Variants in RAB6A observed in about 807,000 individuals in gnomAD.
RAB6A encodes the protein ras-related protein Rab-6A.
In RAB6A, 8 loss-of-function variants were observed where a neutral mutation model predicts 32.3. The observed-to-expected ratio is 0.25, with a 90% confidence interval of 0.15 to 0.45. The LOEUF (loss-of-function observed/expected upper bound fraction) is 0.45. Ranked by LOEUF, RAB6A falls within the 20% of genes least tolerant of loss-of-function variation. The pLI is 1.00. For synonymous variants in RAB6A, 73 were observed against 82.1 expected (o/e 0.89, Z 0.60); for missense variants, 104 against 249.4 (o/e 0.42, Z 3.93).
intron 1 of RAB6A, among the ~76,000 whole-genome samples, chr11:73,736,776 A>T (rs1946399974): frequency 1.4e-5 from 2 of 140,912 alleles, no homozygotes; most frequent in South Asian, 4.9e-4. Context: ...TGTGCAACAC[A>T]GTGAGACTTC....
intron 4 of RAB6A, among the ~76,000 whole-genome samples, chr11:73,716,911 C>A (rs1209742182): frequency 6.6e-6 from 1 of 152,164 alleles, no homozygotes; most frequent in African/African-American, 2.4e-5. Context: ...CAAAATTTAT[C>A]TTTTCTAGTG....
chr11:73,744,825 A>G (rs1296356130), intron 1 of RAB6A, among the ~76,000 whole-genome samples: 1 of 151,700 alleles, frequency 6.6e-6, no homozygotes, highest in Non-Finnish European at 1.5e-5. Context: ...AAATACAAAA[A>G]TTAGCTGGGC....
At chr11:73,748,263 G>A (rs1288529848) in intron 1 of RAB6A, among the ~76,000 whole-genome samples, 1 of 152,130 alleles carries the variant, frequency 6.6e-6, no homozygotes, top group Non-Finnish European at 1.5e-5. Context: ...GAAATATTAA[G>A]CTCAAAAACG....
rs1555058418 is a variant in RAB6A at position 73,709,961 on chromosome 11, A to ATATT, written c.402-2449_402-2448insAATA. 4.8e-3 allele frequency among the ~76,000 whole-genome samples: 392 copies of ATATT among 81,732 alleles called. 1 individual carries two copies. The highest frequency in any genetic ancestry group is 8.7e-3 in the South Asian group (27 of 3,106). 53.6% of individuals were successfully genotyped at this position (81,732 alleles called of 152,430 possible). On this transcript the variant is annotated intron_variant, in intron 5 of 7. Transcript: ENST00000336083. ...TACACACACACACACATATATATAT[A>ATATT]TTTTTTTTTTTTTTTGAGACGGAGT...
intron 1 of RAB6A, among the ~76,000 whole-genome samples, chr11:73,752,117 T>C (rs1946678114): frequency 6.6e-6 from 1 of 152,174 alleles, no homozygotes. Context: ...ATGTATCTTA[T>C]TAACATCTTC....
chr11:73,682,252 A>T (rs1820308195), intron 6 of RAB6A, among the ~76,000 whole-genome samples: 1 of 152,196 alleles, frequency 6.6e-6, no homozygotes, highest in South Asian at 2.1e-4. Context: ...AATTGAGCCC[A>T]GAAGTTTGAG....
rs1400416638 is a variant in RAB6A at position 73,676,592 on chromosome 11, C to T, written c.*1306G>A. The T allele has an allele frequency of 6.0e-6, 1 of 166,510 alleles. No individual in the cohort carries two copies. Among genetic ancestry groups the T allele is most frequent in the African/African-American group, 2.4e-5 (1 of 41,310 alleles). The allele number at this position is 166,510 out of a possible 1,614,324, so 10.3% of individuals were successfully genotyped here. ...TTAAACTATACAGATCTAATACAAACCAAAACCAGCCTGAAAGACCCAACC... is the reference window on the plus strand; with the variant it reads ...TTAAACTATACAGATCTAATACAAATCAAAACCAGCCTGAAAGACCCAACC... On this transcript the variant is annotated 3_prime_UTR_variant, in exon 8 of 8. Transcript: ENST00000336083.
Position 73,676,224 on chromosome 11 carries a change from C to T in RAB6A, c.*1674G>A, listed in dbSNP as rs1048240459. On this transcript the variant is annotated 3_prime_UTR_variant, in exon 8 of 8. Transcript: ENST00000336083. ...TATGAAGATATTTTTGTTGTCTTTT[C>T]ATCTTTATACTGTGTTAAGTAATGC... The T allele has an allele frequency of 6.0e-6, 1 of 167,068 alleles. No homozygotes were observed. The highest frequency in any genetic ancestry group is 1.5e-5 in the Non-Finnish European group (1 of 68,114). The allele number at this position is 167,068 out of a possible 1,614,324, so 10.3% of individuals were successfully genotyped here.
At chr11:73,685,433 T>C (rs1396229798) in intron 6 of RAB6A, among the ~76,000 whole-genome samples, 10 of 151,094 alleles carry the variant, frequency 6.6e-5, no homozygotes, top group Non-Finnish European at 1.5e-4. Context: ...GGACTACAGG[T>C]GCCTGTGCCA....
In RAB6A at chr11:73,680,153, G is replaced by A. The variant is rs78205867; in HGVS notation, c.496-433C>T. On this transcript the variant is annotated intron_variant, in intron 6 of 7. Transcript: ENST00000336083. ...AAATGTCTATTCATTCTATAAACGA[G>A]TATTATATAAAAAGCAATATACCAA... Among the ~76,000 whole-genome samples, 618 of 152,076 alleles carry A rather than the reference G, an allele frequency of 4.1e-3. 2 individuals carry two copies. The highest frequency in any genetic ancestry group is 0.014 in the African/African-American group (583 of 41,486).
intron 1 of RAB6A, among the ~76,000 whole-genome samples, chr11:73,739,299 AT>A: frequency 2.2e-5 from 2 of 92,970 alleles, no homozygotes; most frequent in African/African-American, 7.3e-5. Flanking sequence ...ATATATATAT[AT>A]ATATAAATAC....
chr11:73,708,154 T>A (rs1945879875), intron 5 of RAB6A, among the ~76,000 whole-genome samples: 2 of 152,176 alleles, frequency 1.3e-5, no homozygotes, highest in Non-Finnish European at 2.9e-5. Flanking sequence ...GCAAATCATT[T>A]CCTTAGGTTA....
intron 1 of RAB6A, among the ~76,000 whole-genome samples, chr11:73,738,215 C>T (rs1946432283): frequency 6.6e-6 from 1 of 151,386 alleles, no homozygotes; most frequent in African/African-American, 2.4e-5. Flanking sequence ...ACTAAGTTGC[C>T]CAAGCTGGTT....
chr11:73,744,511 CAAAAAAAAAAAAAAAAAAAAAA>C (rs555388622), intron 1 of RAB6A, among the ~76,000 whole-genome samples: 6 of 63,744 alleles, frequency 9.4e-5, no homozygotes, highest in Admixed American at 7.2e-4. Context: ...ACCCTGTCTC[CAAAAAAAAAAAAAAAAAAAAAA>C]AAAAAAAAAA....
intron 5 of RAB6A, among the ~76,000 whole-genome samples, chr11:73,708,053 TC>T (rs1162540009): frequency 6.6e-6 from 1 of 152,212 alleles, no homozygotes; most frequent in African/African-American, 2.4e-5. Context: ...ATATAACCAT[TC>T]CCAAACTATT....
intron 5 of RAB6A, among the ~76,000 whole-genome samples, chr11:73,714,953 G>A (rs1295766592): frequency 6.6e-6 from 1 of 152,096 alleles, no homozygotes; most frequent in Non-Finnish European, 1.5e-5. Flanking sequence ...GCGACGGAAT[G>A]AGACTCCATC....
intron 6 of RAB6A, among the ~76,000 whole-genome samples, chr11:73,690,128 TCTA>T (rs1400289528): frequency 6.6e-6 from 1 of 152,150 alleles, no homozygotes; most frequent in African/African-American, 2.4e-5. Flanking sequence ...AGAAAGAAAC[TCTA>T]CTATTAACTA....
At chr11:73,707,827 G>A (rs1945874216) in intron 5 of RAB6A, among the ~76,000 whole-genome samples, 1 of 152,036 alleles carries the variant, frequency 6.6e-6, no homozygotes, top group South Asian at 2.1e-4. Flanking sequence ...GCTGCAGCAG[G>A]CCATTATTAG....
At chr11:73,726,171 G>A (rs1946215752) in intron 2 of RAB6A, among the ~76,000 whole-genome samples, 1 of 151,584 alleles carries the variant, frequency 6.6e-6, no homozygotes, top group Non-Finnish European at 1.5e-5. Context: ...TGTAGTCCCA[G>A]CTATTCGGGA....
Sources: allele counts gnomAD v4.1 joint callset (sites outside exome capture counted in the v4.1 genomes callset), GRCh38; gene constraint gnomAD v4.1.1; transcripts MANE v1.5; gene names NCBI Gene and HGNC (gene_info 2026-07-23, HGNC 2026-07-21).